SORT1: variants seen among roughly 807,000 people sequenced by gnomAD.
SORT1 encodes sortilin.
Under a neutral mutation model 101.7 loss-of-function variants are expected in SORT1, and 39 were observed. The observed-to-expected ratio is 0.38, with a 90% confidence interval of 0.30 to 0.50. SORT1 has a LOEUF of 0.50. Among genes scored for constraint, SORT1 ranks in the 20% least tolerant of loss-of-function variants. The probability of loss-of-function intolerance (pLI) is 0.90; values close to 1 mark genes in which losing one functional copy is unlikely to be tolerated. For missense variants in SORT1, 878 were observed against 1,040.4 expected (o/e 0.84, Z 2.15); for synonymous variants, 396 against 393.7 (o/e 1.01, Z -0.07).
At chr1:109,349,385 A>C (rs765590065) in intron 6 of SORT1, among the ~76,000 whole-genome samples, 1 of 152,132 alleles carries the variant, frequency 6.6e-6, no homozygotes, top group Non-Finnish European at 1.5e-5. Context: ...AAACTGTATA[A>C]GGTACAAATA....
chr1:109,385,676 C>G (rs1196584119), intron 1 of SORT1, among the ~76,000 whole-genome samples: 1 of 152,150 alleles, frequency 6.6e-6, no homozygotes, highest in Non-Finnish European at 1.5e-5. Flanking sequence ...TCTTCCAGAT[C>G]CTGGAGTATG....
rs1031067932 is a variant in SORT1 at position 109,384,495 on chromosome 1, T to G, written c.306+13092A>C. 5.3e-5 allele frequency among the ~76,000 whole-genome samples: 8 copies of G among 152,174 alleles called. 1 individual carries two copies. The highest frequency in any genetic ancestry group is 1.2e-4 in the Non-Finnish European group (8 of 68,036). On this transcript the variant is annotated intron_variant, in intron 1 of 19. Transcript: ENST00000256637. ...AGCAAAGAAGCAAACAGGCAGACAA[T>G]GGCATTAAGTTTATAATCCAGGACA...
rs553898685 is a variant in SORT1, at chr1:109,315,748, CTTTTTTT to C, written c.2251-977_2251-971del. On this transcript the variant is annotated intron_variant, in intron 17 of 19. Coordinates refer to ENST00000256637, the MANE Select transcript of SORT1 (RefSeq NM_002959.7). ...ACAGATTTGGATGCAGCCTCATAAC[CTTTTTTT>C]TTTTTTTTTTTTTTTAAATTGAGAC... Among the ~76,000 whole-genome samples the C allele has an allele frequency of 1.2e-3, 148 of 124,714 alleles. No homozygotes were observed. The Middle Eastern group carries it at 0.014, about 12-fold the overall frequency. The allele number at this position is 124,714 out of a possible 152,430, so 81.8% of individuals were successfully genotyped here.
At chr1:109,328,608 A>G (rs1002984368) in intron 11 of SORT1, among the ~76,000 whole-genome samples, 10 of 152,096 alleles carry the variant, frequency 6.6e-5, no homozygotes, top group Admixed American at 3.9e-4. Context: ...TCAGTGGCAT[A>G]CTCTTGATTC....
chr1:109,338,582 C>T (rs1177777406), intron 10 of SORT1, among the ~76,000 whole-genome samples: 1 of 152,164 alleles, frequency 6.6e-6, no homozygotes, highest in Non-Finnish European at 1.5e-5. Context: ...CTGCTATGCA[C>T]CCTTACCAAG....
intron 3 of SORT1, among the ~76,000 whole-genome samples, chr1:109,365,600 AT>A (rs1050154661): frequency 2.8e-4 from 43 of 152,248 alleles, no homozygotes; most frequent in African/African-American, 9.9e-4. Context: ...TCAATCCTAT[AT>A]TTAAAAAAAT....
intron 15 of SORT1, among the ~76,000 whole-genome samples, chr1:109,319,853 C>T (rs527904283): frequency 6.7e-5 from 10 of 149,076 alleles, no homozygotes; most frequent in South Asian, 2.1e-4. Context: ...GGCGACAGCA[C>T]GAGACTCCGT....
At chr1:109,329,906 T>C (rs1648345485) in intron 11 of SORT1, among the ~76,000 whole-genome samples, 1 of 152,242 alleles carries the variant, frequency 6.6e-6, no homozygotes, top group Non-Finnish European at 1.5e-5. Flanking sequence ...AGAATATACA[T>C]TCTTTTCAAG....
rs577060790 is a variant in SORT1 at position 109,340,666 on chromosome 1, T to A, written c.1264+58A>T. Reference sequence around the variant, plus strand: ...ACTAGGGGACAGGTTCCCCGAAGCCTCAAATCCTACCACATGCAGCTGAAG... The same window carrying A: ...ACTAGGGGACAGGTTCCCCGAAGCCACAAATCCTACCACATGCAGCTGAAG... On this transcript the variant is annotated intron_variant, in intron 10 of 19. Transcript: ENST00000256637. 1.2e-5 allele frequency: 19 copies of A among 1,586,678 alleles called. 1 individual carries two copies. The South Asian group carries it at 2.1e-4, about 18-fold the overall frequency.
At chr1:109,381,381 T>C (rs905349502) in intron 1 of SORT1, among the ~76,000 whole-genome samples, 2 of 151,868 alleles carry the variant, frequency 1.3e-5, no homozygotes, top group East Asian at 1.9e-4. Context: ...TGTTATGCCA[T>C]ACAACAATAT....
intron 1 of SORT1, among the ~76,000 whole-genome samples, chr1:109,385,141 C>T (rs535305972): frequency 6.6e-6 from 1 of 152,176 alleles, no homozygotes; most frequent in South Asian, 2.1e-4. Context: ...TTATAATTAA[C>T]CCACTCCTGG....
intron 1 of SORT1, among the ~76,000 whole-genome samples, chr1:109,395,485 T>A (rs534470544): frequency 1.3e-5 from 2 of 152,034 alleles, no homozygotes; most frequent in South Asian, 4.2e-4. Context: ...CCTCCCACAT[T>A]GATAAGATTA....
chr1:109,355,652 C>CG (rs1286748631), intron 3 of SORT1, among the ~76,000 whole-genome samples, 183 bp from the exon 4 acceptor site: 30 of 137,706 alleles, frequency 2.2e-4, no homozygotes, highest in Admixed American at 5.1e-4. Flanking sequence ...CCCGCCCCCC[C>CG]CCCCACAAAC....
At chr1:109,336,483 C>T in intron 10 of SORT1, 137 bp from the exon 11 acceptor site, 1 of 640,644 alleles carries the variant, frequency 1.6e-6, no homozygotes, top group Non-Finnish European at 2.8e-6. Flanking sequence ...CACAAAACGG[C>T]TCATTGTTGG....
At chr1:109,364,768 G>A (rs1300543591) in intron 3 of SORT1, among the ~76,000 whole-genome samples, 1 of 152,222 alleles carries the variant, frequency 6.6e-6, no homozygotes, top group Non-Finnish European at 1.5e-5. Context: ...AGCAATGCCA[G>A]TACCTGCTGG....
At chr1:109,332,836 G>A (rs1648550629) in intron 11 of SORT1, among the ~76,000 whole-genome samples, 1 of 152,146 alleles carries the variant, frequency 6.6e-6, no homozygotes, top group African/African-American at 2.4e-5. Flanking sequence ...ACTTTGACAA[G>A]GGTGTCAAGA....
chr1:109,344,192 C>T (rs1649427288), intron 8 of SORT1, among the ~76,000 whole-genome samples: 1 of 152,220 alleles, frequency 6.6e-6, no homozygotes, highest in African/African-American at 2.4e-5. Context: ...GGCCAAGCTA[C>T]CACCTCCCCA....
At chr1:109,323,147 A>G (rs1241934726) in intron 14 of SORT1, 26 bp from the exon 15 acceptor site, 3 of 1,591,486 alleles carry the variant, frequency 1.9e-6, no homozygotes, top group African/African-American at 1.3e-5. Context: ...ACTGTTCAGG[A>G]AAGTACACAG....
intron 3 of SORT1, among the ~76,000 whole-genome samples, chr1:109,364,479 G>A (rs1221260196): frequency 6.6e-6 from 1 of 152,090 alleles, no homozygotes; most frequent in Non-Finnish European, 1.5e-5. Flanking sequence ...ACTGATCACA[G>A]TAGTATTAGT....
Sources: allele counts gnomAD v4.1 joint callset (sites outside exome capture counted in the v4.1 genomes callset), GRCh38; gene constraint gnomAD v4.1.1; transcripts MANE v1.5; gene names NCBI Gene and HGNC (gene_info 2026-07-23, HGNC 2026-07-21).